The following PTPRS variants were observed in gnomAD, a reference collection of about 807,000 sequenced individuals.
PTPRS encodes protein tyrosine phosphatase receptor type S, also known as receptor-type tyrosine-protein phosphatase S.
PTPRS carries 63 observed loss-of-function variants against 215.3 expected under a neutral mutation model. The observed-to-expected ratio is 0.29, with a 90% confidence interval of 0.24 to 0.36. The LOEUF (loss-of-function observed/expected upper bound fraction) is 0.36, where lower values mean the gene tolerates loss of function less well. PTPRS is among the 10% of genes least tolerant of loss of function. The probability of loss-of-function intolerance (pLI) is 1.00; values close to 1 mark genes in which losing one functional copy is unlikely to be tolerated. For missense variants in PTPRS, 2,258 were observed against 2,825.8 expected, an observed-to-expected ratio of 0.80 and a Z score of 4.56; for synonymous variants, 1,404 against 1,191.4, an observed-to-expected ratio of 1.18 and a Z score of -3.68.
intron 12 of PTPRS, among the ~76,000 whole-genome samples, chr19:5,239,637 G>A (rs1291586116): frequency 6.6e-6 from 1 of 151,694 alleles, no homozygotes; most frequent in Non-Finnish European, 1.5e-5. Flanking sequence ...AGAAACGGAG[G>A]AGAGAGAGAT....
intron 2 of PTPRS, 37 bp downstream of exon 2, chr19:5,286,013 C>T (rs374948230): frequency 7.0e-6 from 11 of 1,582,028 alleles, no homozygotes; most frequent in African/African-American, 1.3e-5. Context: ...GGTAAACAAA[C>T]ACGCAGACCC....
In PTPRS at chr19:5,241,251, A is replaced by G. The variant is rs1380723510; in HGVS notation, c.1571-919T>C. Reference sequence around the variant, plus strand: ...TGGCTGCGAATTAGATGACAGAGAAATTAGCAGGGAGATATGTGTGCCTAT... The same window carrying G: ...TGGCTGCGAATTAGATGACAGAGAAGTTAGCAGGGAGATATGTGTGCCTAT... On this transcript the variant is annotated intron_variant, in intron 11 of 37. Coordinates refer to ENST00000262963, the MANE Select transcript of PTPRS (RefSeq NM_002850.4). 6.6e-5 allele frequency among the ~76,000 whole-genome samples: 10 copies of G among 152,142 alleles called. No homozygotes were observed. The East Asian group carries it at 1.6e-3, about 24-fold the overall frequency.
At position 5,222,678 on chromosome 19, in the gene PTPRS, C is replaced by T. The variant is rs771954499; in HGVS notation, c.3103+11G>A. On this transcript the variant is annotated intron_variant, in intron 18 of 37. Coordinates refer to ENST00000262963, the MANE Select transcript of PTPRS (RefSeq NM_002850.4). ...GGTCCGGCTCTGGTGCAGGGGTCGCCGCGCGCCTACCTTGGTCCCGCAGGA... is the reference window on the plus strand; with the variant it reads ...GGTCCGGCTCTGGTGCAGGGGTCGCTGCGCGCCTACCTTGGTCCCGCAGGA... The T allele has an allele frequency of 9.4e-5, 146 of 1,556,484 alleles. No individual in the cohort carries two copies. Among genetic ancestry groups the T allele is most frequent in the Admixed American group, 8.9e-4 (49 of 54,782 alleles).
At chr19:5,227,956 C>A (rs2042651711) in intron 16 of PTPRS, among the ~76,000 whole-genome samples, 2 of 151,978 alleles carry the variant, frequency 1.3e-5, no homozygotes, top group South Asian at 4.1e-4. Context: ...AAGCACAGGC[C>A]GGCATGCCTG....
rs780229133 is a variant in PTPRS, at chr19:5,258,097, G to C, written c.626C>G (p.Thr209Ser). Residue 209 changes from threonine to serine, a missense_variant, in exon 8 of 38, where the codon ACC becomes AGC. By Grantham distance (58) the Thr-to-Ser change is moderately conservative. Coordinates refer to ENST00000262963, the MANE Select transcript of PTPRS (RefSeq NM_002850.4). ...CACACACTCATATTTGCCCTGGTCG[G>C]TTTCCTCACTGCTTTCAATCTGCAG... ...GALQIESSEE[T>S]DQGKYECVAT... The C allele has an allele frequency of 6.2e-7, 1 of 1,614,078 alleles. No individual in the cohort carries two copies. The highest frequency in any genetic ancestry group is 1.3e-5 in the African/African-American group (1 of 74,924).
chr19:5,228,345 G>GGAAAAAAAAAAA (rs1555757550), intron 16 of PTPRS, among the ~76,000 whole-genome samples: 12 of 33,242 alleles, frequency 3.6e-4, no homozygotes, highest in African/African-American at 1.0e-3. Context: ...ACTCCGTCTG[G>GGAAAAAAAAAAA]AGAAAAAAAA....
At chr19:5,216,012 T>C (rs2041407990) in intron 26 of PTPRS, among the ~76,000 whole-genome samples, 1 of 152,124 alleles carries the variant, frequency 6.6e-6, no homozygotes, top group Admixed American at 6.5e-5. Context: ...GGCTGTGCTT[T>C]GGAAATACTG....
chr19:5,302,796 G>A (rs551081256), intron 1 of PTPRS, among the ~76,000 whole-genome samples: 1 of 151,574 alleles, frequency 6.6e-6, no homozygotes, highest in Admixed American at 6.6e-5. Flanking sequence ...GGTGGCTCAC[G>A]CCTGTAATCC....
At chr19:5,311,463 C>T (rs1381607602) in intron 1 of PTPRS, among the ~76,000 whole-genome samples, 1 of 152,066 alleles carries the variant, frequency 6.6e-6, no homozygotes, top group Non-Finnish European at 1.5e-5. Flanking sequence ...AGCTCTAGGC[C>T]CCCAGCAGGG....
chr19:5,314,844 G>A (rs2049821997), intron 1 of PTPRS, among the ~76,000 whole-genome samples: 1 of 152,180 alleles, frequency 6.6e-6, no homozygotes, highest in Admixed American at 6.6e-5. Flanking sequence ...GCTTAGATCA[G>A]GGGCTTCAGA....
At chr19:5,252,361 G>A in intron 9 of PTPRS, among the ~76,000 whole-genome samples, 1 of 152,074 alleles carries the variant, frequency 6.6e-6, no homozygotes, top group Non-Finnish European at 1.5e-5. Context: ...TGAATCACCT[G>A]AGGTCAGGAG....
chr19:5,271,636 G>A (rs1310050025), intron 4 of PTPRS, among the ~76,000 whole-genome samples: 3 of 152,028 alleles, frequency 2.0e-5, no homozygotes, highest in Admixed American at 1.3e-4. Flanking sequence ...CTGACCTCGC[G>A]ATCTGCCCGC....
In PTPRS at chr19:5,222,652, C is replaced by T. The variant is rs765710929; in HGVS notation, c.3103+37G>A. 4.6e-5 allele frequency: 69 copies of T among 1,486,964 alleles called. No individual in the cohort carries two copies. The East Asian group carries it at 7.0e-4, about 15-fold the overall frequency. 92.1% of individuals were successfully genotyped at this position (1,486,964 alleles called of 1,614,324 possible). A position where few individuals can be genotyped will look rare whatever the true frequency, so the allele number is the denominator to read the frequency against. On this transcript the variant is annotated intron_variant, in intron 18 of 37. Coordinates refer to ENST00000262963, the MANE Select transcript of PTPRS (RefSeq NM_002850.4). ...CTGGGGTGGGGGTGGGCGCAAGGCC[C>T]GGTCCGGCTCTGGTGCAGGGGTCGC...
At chr19:5,309,106 C>G (rs2049604016) in intron 1 of PTPRS, among the ~76,000 whole-genome samples, 1 of 152,108 alleles carries the variant, frequency 6.6e-6, no homozygotes, top group South Asian at 2.1e-4. Flanking sequence ...GCCTGGAAAC[C>G]ACCAAAAACT....
intron 2 of PTPRS, among the ~76,000 whole-genome samples, chr19:5,279,850 T>G (rs897240184): frequency 4.6e-5 from 7 of 151,940 alleles, no homozygotes; most frequent in Non-Finnish European, 7.4e-5. Flanking sequence ...GCCTGGCTAA[T>G]TTTTTTGCAT....
rs377537605 is a variant in PTPRS, at chr19:5,210,199, C to T, written c.5487+270G>A. Among the ~76,000 whole-genome samples, 2 of 152,210 alleles carry T rather than the reference C, an allele frequency of 1.3e-5. No homozygotes were observed. Among genetic ancestry groups the T allele is most frequent in the African/African-American group, 2.4e-5 (1 of 41,440 alleles). On this transcript the variant is annotated intron_variant, in intron 35 of 37. Coordinates refer to ENST00000262963, the MANE Select transcript of PTPRS (RefSeq NM_002850.4). The surrounding 1 kb of genome is among the most constrained non-coding windows in gnomAD (Gnocchi z 4.5). ...ATCATCCTCCACAGGTGGCTGCTTCCAGAGGAAAGCCCCATTCACTTCCTT... is the reference window on the plus strand; with the variant it reads ...ATCATCCTCCACAGGTGGCTGCTTCTAGAGGAAAGCCCCATTCACTTCCTT...
chr19:5,230,623 A>G (rs2042933911), intron 14 of PTPRS, among the ~76,000 whole-genome samples: 1 of 152,002 alleles, frequency 6.6e-6, no homozygotes. Context: ...ATGCTTGGCT[A>G]TGTTTTAAAA....
chr19:5,336,314 G>T (rs1043077802), intron 1 of PTPRS, among the ~76,000 whole-genome samples: 2 of 151,502 alleles, frequency 1.3e-5, no homozygotes, highest in Admixed American at 6.6e-5. Flanking sequence ...GAACCTCAGG[G>T]TTAGAGAGAC....
At chr19:5,218,735 C>A (rs1239948921) in intron 24 of PTPRS, 52 bp downstream of exon 24, 3 of 1,602,452 alleles carry the variant, frequency 1.9e-6, no homozygotes, top group African/African-American at 1.3e-5. Flanking sequence ...CAGCCCATTC[C>A]CTGTCCTCTT....
Sources: gnomAD v4.1 joint callset for allele counts (sites outside exome capture counted in the v4.1 genomes callset) on GRCh38, gnomAD v4.1.1 for gene constraint, Gnocchi (gnomAD v3.1) non-coding constraint, MANE v1.5 for transcripts, NCBI Gene and HGNC (gene_info 2026-07-23, HGNC 2026-07-21) for gene names.